ZNF75D: variants seen among roughly 807,000 people sequenced by gnomAD.
ZNF75D encodes zinc finger protein 75D, also known as zinc finger protein 75.
A neutral mutation model predicts 33.3 loss-of-function variants in ZNF75D; 33 were observed. That is an observed-to-expected ratio of 0.99 (90% CI 0.75 to 1.32). The LOEUF (loss-of-function observed/expected upper bound fraction) is 1.32, where lower values mean the gene tolerates loss of function less well. ZNF75D is among the 40% of genes most tolerant of loss of function. The pLI is 0.00. For synonymous variants in ZNF75D, 113 were observed against 130.6 expected (o/e 0.87, Z 0.92); for missense variants, 338 against 367.5 (o/e 0.92, Z 0.66).
rs2083964346 is a variant in ZNF75D at position 135,287,147 on chromosome X, G to A, written c.1523C>T (p.Ser508Phe). ...ACATGGTAACTTTCCTCAGTTTGGA[G>A]ACACTAGACATGCTTCCCTTCTTCT... Reference protein sequence around the residue: ...LHRRREACLVSPN With the variant: ...LHRRREACLVFPN Residue 508 changes from serine (S) to phenylalanine (F), a missense_variant, in exon 7 of 7, where the codon TCT becomes TTT. Around this residue, in one of 3 missense-constraint regions of ZNF75D, gnomAD observed 79 missense variants for 80.1 expected, o/e 0.99. Transcript: ENST00000370766. The A allele has an allele frequency of 8.4e-7, 1 of 1,196,937 alleles. No individual in the cohort carries two copies. The highest frequency in any genetic ancestry group is 1.8e-5 in the African/African-American group (1 of 56,253).
At chrX:135,266,610 G>C (rs2083863985) in intron 1 of ZNF75D, among the ~76,000 whole-genome samples, 1 of 111,537 alleles carries the variant, frequency 9.0e-6, no homozygotes, top group African/African-American at 3.3e-5. Flanking sequence ...TCCAACACTG[G>C]AGCACCCAGA....
chrX:135,325,604 G>A (rs1238189361), intron 1 of ZNF75D, among the ~76,000 whole-genome samples: 3 of 112,489 alleles, frequency 2.7e-5, no homozygotes, highest in South Asian at 3.6e-4. Flanking sequence ...CCGGGCCAGC[G>A]GCTGTGGAGG....
In ZNF75D at chrX:135,318,947, T is replaced by G. The variant is rs2084461159; in HGVS notation, c.-391+22821A>C. Among the ~76,000 whole-genome samples, 3 of 112,261 alleles carry G rather than the reference T, an allele frequency of 2.7e-5. No individual in the cohort carries two copies. The Admixed American group carries it at 2.8e-4, about 11-fold the overall frequency. On this transcript the variant is annotated intron_variant, in intron 1 of 6. Coordinates refer to ENST00000370766, the MANE Select transcript of ZNF75D (RefSeq NM_007131.5). ...TGTAATGTGGGTTGATATATGGTCA[T>G]GAAAAATGGCAGTAGTCACAGACTG...
chrX:135,287,945 C>T, intron 6 of ZNF75D, 99 bp from the exon 7 acceptor site: 1 of 679,560 alleles, frequency 1.5e-6, no homozygotes, highest in Non-Finnish European at 2.2e-6. Flanking sequence ...AAAAGAAATA[C>T]AGGAACAAGT....
intron 1 of ZNF75D, among the ~76,000 whole-genome samples, chrX:135,308,580 T>C (rs927136596): frequency 8.9e-6 from 1 of 112,033 alleles, no homozygotes; most frequent in Non-Finnish European, 1.9e-5. Context: ...TTCTATCACT[T>C]GGGCAAGTCC....
rs782222579 is a variant in ZNF75D at position 135,287,276 on chromosome X, A to G, written c.1394T>C (p.Ile465Thr). 3 of 1,210,612 alleles carry G rather than the reference A, an allele frequency of 2.5e-6. No homozygotes were observed. The South Asian group carries it at 5.3e-5, about 21-fold the overall frequency. ...ACCTGTGTGAGTTCTCTGGTGTTTA[A>G]TAAGGTGGGAGTTCTGAATGAATCT... Reference protein sequence around the residue: ...GKRFIQNSHLIKHQRTHTGEQ... With the variant: ...GKRFIQNSHLTKHQRTHTGEQ... Residue 465 changes from isoleucine to threonine, a missense_variant, in exon 7 of 7, where the codon ATT becomes ACT. Physicochemically the swap from Ile to Thr is moderately conservative, Grantham distance 89. This residue lies in a region of ZNF75D where 79 missense variants were observed against 80.1 expected (regional missense o/e 0.99). Transcript: ENST00000370766.
intron 1 of ZNF75D, among the ~76,000 whole-genome samples, chrX:135,268,348 T>C (rs994389515): frequency 9.3e-6 from 1 of 107,963 alleles, no homozygotes; most frequent in African/African-American, 3.4e-5. Context: ...TATGATCTTA[T>C]ATTTGGAAAA....
chrX:135,327,498 GAACTAAACACTAGCCACTAC>G (rs1364437253), intron 1 of ZNF75D, among the ~76,000 whole-genome samples: 1 of 112,185 alleles, frequency 8.9e-6, no homozygotes, highest in Non-Finnish European at 1.9e-5. Context: ...GCAATGACAA[GAACTAAACACTAGCCACTAC>G]CACCAGGGTT....
downstream of ZNF75D, among the ~76,000 whole-genome samples, chrX:135,284,476 G>A (rs1278804471): frequency 1.8e-5 from 2 of 111,768 alleles, no homozygotes; most frequent in Non-Finnish European, 3.8e-5. Flanking sequence ...GGGCACTAAT[G>A]AGTCAGCCAG....
At position 135,294,028 on chromosome X, in the gene ZNF75D, G is replaced by C. The variant is rs782187473; in HGVS notation, c.113C>G (p.Thr38Arg). ...ENSSQSKKYS[T>R]KIENLGPESA... ...CTCAGGACCAAGATTCTCTATTTTTGTGCTGTATTTCTTACTCTGACTGGA... is the reference window on the plus strand; with the variant it reads ...CTCAGGACCAAGATTCTCTATTTTTCTGCTGTATTTCTTACTCTGACTGGA... The change falls in exon 3 of 7, where the codon ACA becomes AGA. Residue 38 changes from threonine (T) to arginine (R), a missense_variant. Physicochemically the swap from Thr to Arg is moderately conservative, Grantham distance 71. This residue lies in a region of ZNF75D where 254 missense variants were observed against 267.7 expected (regional missense o/e 0.95). Coordinates refer to ENST00000370766, the MANE Select transcript of ZNF75D (RefSeq NM_007131.5). 10 of 1,210,159 alleles carry C rather than the reference G, an allele frequency of 8.3e-6. No individual in the cohort carries two copies. The Admixed American group carries it at 2.0e-4, about 24-fold the overall frequency.
At chrX:135,265,686 A>G (rs782138441) in intron 1 of ZNF75D, among the ~76,000 whole-genome samples, 1 of 112,205 alleles carries the variant, frequency 8.9e-6, no homozygotes, top group African/African-American at 3.2e-5. Context: ...CATAAACACC[A>G]GGCCTCTACT....
At chrX:135,258,957 G>C (rs1345585749) in intron 1 of ZNF75D, among the ~76,000 whole-genome samples, 2 of 112,082 alleles carry the variant, frequency 1.8e-5, no homozygotes, top group Non-Finnish European at 3.8e-5. Flanking sequence ...AACCCATCTT[G>C]AATTAATTTT....
At chrX:135,323,229 T>C (rs2084519605) in intron 1 of ZNF75D, among the ~76,000 whole-genome samples, 1 of 112,148 alleles carries the variant, frequency 8.9e-6, no homozygotes, top group Non-Finnish European at 1.9e-5. Flanking sequence ...CAAGTTATTA[T>C]TATCAGAGTT....
intron 1 of ZNF75D, among the ~76,000 whole-genome samples, chrX:135,329,385 G>A (rs1366835392): frequency 2.7e-5 from 3 of 111,746 alleles, no homozygotes; most frequent in Non-Finnish European, 5.6e-5. Context: ...TTAGGCTCAA[G>A]TGATGCATCA....
intron 1 of ZNF75D, among the ~76,000 whole-genome samples, chrX:135,299,548 C>T (rs1237043937): frequency 2.7e-5 from 3 of 112,109 alleles, no homozygotes; most frequent in Non-Finnish European, 5.6e-5. Context: ...ATAATTTGCA[C>T]ATTTTTCTTC....
rs2084308573 is a variant in ZNF75D, at chrX:135,307,910, G to A, written c.-390-11871C>T. ...TGATTGGAACATGGCAGACAAAGTC[G>A]CTGATCACTACCCAGGGAACCTGGC... On this transcript the variant is annotated intron_variant, in intron 1 of 6. Transcript: ENST00000370766. Among the ~76,000 whole-genome samples the A allele has an allele frequency of 3.5e-5, 4 of 112,854 alleles. No homozygotes were observed. The South Asian group carries it at 1.1e-3, about 30-fold the overall frequency.
At chrX:135,281,106 T>A (rs5930680), downstream of ZNF75D, among the ~76,000 whole-genome samples, 23,273 of 110,603 alleles carry the variant, frequency 0.21, 2,038 homozygotes, top group Middle Eastern at 0.37. Flanking sequence ...TCCATTCTCC[T>A]TGTCACTTTC....
intron 1 of ZNF75D, among the ~76,000 whole-genome samples, chrX:135,329,280 A>ATTAT (rs377130466): frequency 0.053 from 5,893 of 111,668 alleles, 193 homozygotes; most frequent in Non-Finnish European, 0.084. Flanking sequence ...CTTTTTAAAA[A>ATTAT]TTATTTATTT....
At chrX:135,318,017 G>A (rs2084442584) in intron 1 of ZNF75D, among the ~76,000 whole-genome samples, 1 of 108,266 alleles carries the variant, frequency 9.2e-6, no homozygotes, top group Admixed American at 9.9e-5. Flanking sequence ...CTTAGCCCTG[G>A]GTGTGGTAGC....
Sources: gnomAD v4.1 joint callset for allele counts (sites outside exome capture counted in the v4.1 genomes callset) on GRCh38, gnomAD v4.1.1 for gene constraint, gnomAD v4.1.1 regional missense constraint, MANE v1.5 for transcripts, NCBI Gene and HGNC (gene_info 2026-07-23, HGNC 2026-07-21) for gene names.